The following ATG4C variants were observed in gnomAD, a reference collection of about 807,000 sequenced individuals.
ATG4C encodes the protein cysteine protease ATG4C.
A neutral mutation model predicts 57.6 loss-of-function variants in ATG4C; 56 were observed. The ratio of observed to expected loss-of-function variants is 0.97; its 90% CI spans 0.78 to 1.21. The LOEUF is 1.21. Among genes scored for constraint, ATG4C ranks in the 50% most tolerant of loss-of-function variants. The pLI is 0.00. For missense variants in ATG4C, 595 were observed against 529.8 expected, an observed-to-expected ratio of 1.12 and a Z score of -1.21; for synonymous variants, 157 against 174.1, an observed-to-expected ratio of 0.90 and a Z score of 0.78.
intron 10 of ATG4C, 72 bp downstream of exon 10, chr1:62,841,619 A>C: frequency 8.0e-7 from 1 of 1,243,090 alleles, no homozygotes; most frequent in Non-Finnish European, 1.1e-6. Flanking sequence ...GAAAGCAAAA[A>C]CCTGTAAATT....
chr1:62,847,454 G>A (rs139474327), intron 10 of ATG4C, among the ~76,000 whole-genome samples: 1 of 152,132 alleles, frequency 6.6e-6, no homozygotes, highest in African/African-American at 2.4e-5. Context: ...AAAATACAGT[G>A]TCATGAGAAA....
intron 6 of ATG4C, 86 bp from the exon 7 acceptor site, chr1:62,828,954 C>T (rs576317769): frequency 4.5e-5 from 55 of 1,212,840 alleles, no homozygotes; most frequent in Non-Finnish European, 5.4e-5. Context: ...CTGTCCATTG[C>T]GGGGTGGAGG....
intron 6 of ATG4C, among the ~76,000 whole-genome samples, chr1:62,827,402 C>A (rs1263029458): frequency 1.4e-4 from 21 of 152,138 alleles, no homozygotes; most frequent in Non-Finnish European, 1.5e-5. Flanking sequence ...TTCTTTTGGT[C>A]TTGATTCAAA....
rs149427637 is a variant in ATG4C at position 62,796,875 on chromosome 1, A to G, written c.-68-6844A>G. Among the ~76,000 whole-genome samples, 14 of 152,342 alleles carry G rather than the reference A, an allele frequency of 9.2e-5. No homozygotes were observed. The East Asian group carries it at 1.9e-3, about 21-fold the overall frequency. On this transcript the variant is annotated intron_variant, in intron 1 of 10. Transcript: ENST00000317868. ...GTAATCCCAGCATTTTGGGAGGCCA[A>G]CGTGGGCGAATCACCTGAGGTCAGG... is the stretch of plus-strand genomic sequence containing the variant.
intron 3 of ATG4C, among the ~76,000 whole-genome samples, chr1:62,809,778 G>A (rs374639336): frequency 6.6e-6 from 1 of 151,762 alleles, no homozygotes; most frequent in Non-Finnish European, 1.5e-5. Context: ...TGGTGAAGAG[G>A]TGCTGTTTAA....
intron 6 of ATG4C, 38 bp from the exon 7 acceptor site, chr1:62,829,002 A>T: frequency 6.5e-7 from 1 of 1,542,308 alleles, no homozygotes; most frequent in South Asian, 1.2e-5. Flanking sequence ...AATCGCTTTT[A>T]TATAAAATTT....
chr1:62,813,036 G>A (rs1665139168), intron 3 of ATG4C, among the ~76,000 whole-genome samples: 1 of 152,138 alleles, frequency 6.6e-6, no homozygotes, highest in Non-Finnish European at 1.5e-5. Context: ...CATGAAAATG[G>A]CCATACTGCC....
At position 62,864,434 on chromosome 1, in the gene ATG4C, T is replaced by C. The variant is rs1446636232; in HGVS notation, c.*275T>C. ...AATTCTACCTTAACTGTAAGCCTTT[T>C]AGTCTTCAAAGTCTTCCACCTGAGC... On this transcript the variant is annotated 3_prime_UTR_variant, in exon 11 of 11. Transcript: ENST00000317868. 1.8e-5 allele frequency: 5 copies of C among 270,462 alleles called. No individual in the cohort carries two copies. Among genetic ancestry groups the C allele is most frequent in the Non-Finnish European group, 3.5e-5 (5 of 143,438 alleles). The allele number at this position is 270,462 out of a possible 1,614,324, so 16.8% of individuals were successfully genotyped here. A position where few individuals can be genotyped will look rare whatever the true frequency, so the allele number is the denominator to read the frequency against.
chr1:62,840,268 G>A (rs1030223020), intron 9 of ATG4C, among the ~76,000 whole-genome samples: 1 of 151,978 alleles, frequency 6.6e-6, no homozygotes, highest in South Asian at 2.1e-4. Flanking sequence ...CAGTCCTCCT[G>A]CCTCAGGCTC....
chr1:62,835,298 CT>C, intron 9 of ATG4C: 1 of 257,820 alleles, frequency 3.9e-6, no homozygotes. Flanking sequence ...AAATCTTAGC[CT>C]TTAGTTAGGA....
chr1:62,821,733 G>A (rs1476614408), intron 6 of ATG4C, among the ~76,000 whole-genome samples: 4 of 151,966 alleles, frequency 2.6e-5, no homozygotes, highest in Admixed American at 6.6e-5. Flanking sequence ...AAGTGTTTCC[G>A]ATTTTGTATT....
chr1:62,833,943 AT>A, intron 7 of ATG4C, 94 bp from the exon 8 acceptor site: 1 of 1,037,716 alleles, frequency 9.6e-7, no homozygotes, highest in Non-Finnish European at 1.4e-6. Context: ...GTAGTGGTAA[AT>A]TTGGGAGCTA....
intron 10 of ATG4C, among the ~76,000 whole-genome samples, chr1:62,846,547 C>G (rs886749706): frequency 6.6e-6 from 1 of 152,142 alleles, no homozygotes. Context: ...ATACATCTGG[C>G]GTACGTTTCC....
chr1:62,864,010 A>G lies in ATG4C; in HGVS notation c.1228A>G (p.Lys410Glu), dbSNP rs1434596725. ...GTTACAGATGCTGAAATTTTCTTCT[A>G]AGGAGAAATATCCCTTATTTACTTT... is the stretch of plus-strand genomic sequence containing the variant. ...EITKMLKFSS[K>E]EKYPLFTFVN... is the part of the protein sequence containing the mutation. Residue 410 changes from lysine to glutamate, a missense_variant, in exon 11 of 11, where the codon AAG becomes GAG. Transcript: ENST00000317868. 1.3e-6 allele frequency: 2 copies of G among 1,575,444 alleles called. No homozygotes were observed. Among genetic ancestry groups the G allele is most frequent in the Non-Finnish European group, 8.6e-7 (1 of 1,165,454 alleles).
intron 10 of ATG4C, among the ~76,000 whole-genome samples, chr1:62,844,758 A>G (rs1572162135): frequency 6.6e-6 from 1 of 152,120 alleles, no homozygotes; most frequent in Non-Finnish European, 1.5e-5. Flanking sequence ...TATCATACCC[A>G]TACTTTATAT....
intron 1 of ATG4C, among the ~76,000 whole-genome samples, chr1:62,786,151 C>A (rs1346081323): frequency 6.6e-6 from 1 of 152,102 alleles, no homozygotes; most frequent in Admixed American, 6.5e-5. Flanking sequence ...GAAATTAATT[C>A]AGTTCTTTTC....
Position 62,818,950 on chromosome 1 carries a change from A to C in ATG4C, c.395-55A>C, listed in dbSNP as rs1665379827. Reference sequence around the variant, plus strand: ...AATGCTACGTATTTATTTTAGTAGAATTGTTAAAGTATCTATTTAAAAGAT... The same window carrying C: ...AATGCTACGTATTTATTTTAGTAGACTTGTTAAAGTATCTATTTAAAAGAT... On this transcript the variant is annotated intron_variant, in intron 4 of 10. Coordinates refer to ENST00000317868, the MANE Select transcript of ATG4C (RefSeq NM_032852.4). The C allele has an allele frequency of 4.5e-6, 6 of 1,327,094 alleles. No individual in the cohort carries two copies. In the South Asian group the frequency reaches 6.1e-5, roughly 14 times the overall value. 82.2% of individuals were successfully genotyped at this position (1,327,094 alleles called of 1,614,324 possible).
intron 6 of ATG4C, among the ~76,000 whole-genome samples, chr1:62,828,310 C>G (rs920120437): frequency 5.9e-5 from 9 of 152,162 alleles, no homozygotes; most frequent in Non-Finnish European, 4.4e-5. Flanking sequence ...TCGCCAGCAT[C>G]TGTTATCTTT....
In ATG4C at chr1:62,832,097, T is replaced by G. The variant is rs137928446; in HGVS notation, c.934-1941T>G. The stretch of plus-strand genomic sequence containing the variant: ...GGGGGAAAACAGTAGAATTCTTAAT[T>G]GATAAGTAACTTTATTACTGTTTAG... On this transcript the variant is annotated intron_variant, in intron 7 of 10. Coordinates refer to ENST00000317868, the MANE Select transcript of ATG4C (RefSeq NM_032852.4). 2.6e-5 allele frequency among the ~76,000 whole-genome samples: 4 copies of G among 152,334 alleles called. No homozygotes were observed. In the East Asian group the frequency reaches 7.7e-4, roughly 29 times the overall value.
Sources: allele counts gnomAD v4.1 joint callset (sites outside exome capture counted in the v4.1 genomes callset), GRCh38; gene constraint gnomAD v4.1.1; transcripts MANE v1.5; gene names NCBI Gene and HGNC (gene_info 2026-07-23, HGNC 2026-07-21).